Variants in KANK1 observed in about 807,000 individuals in gnomAD.
The protein encoded by KANK1 is KN motif and ankyrin repeat domains 1, also known as KN motif and ankyrin repeat domain-containing protein 1.
KANK1 carries 109 observed loss-of-function variants against 106.2 expected under a neutral mutation model. That is an observed-to-expected ratio of 1.03 (90% CI 0.88 to 1.20). The LOEUF (loss-of-function observed/expected upper bound fraction) is 1.20, where lower values mean the gene tolerates loss of function less well. Ranked by LOEUF, KANK1 falls within the 50% of genes most tolerant of loss-of-function variation. KANK1 has a pLI of 0.00. For missense variants in KANK1, 2,399 were observed against 1,710.7 expected (o/e 1.40, Z -7.10); for synonymous variants, 873 against 652.2 (o/e 1.34, Z -5.16).
chr9:504,005 A>T (rs2132534200), upstream of KANK1, among the ~76,000 whole-genome samples: 2 of 152,232 alleles, frequency 1.3e-5, no homozygotes, highest in South Asian at 4.1e-4. Flanking sequence ...GGAGGTCACA[A>T]GGGAGGTGCC....
intron 1 of KANK1, among the ~76,000 whole-genome samples, chr9:636,337 A>AT (rs1176665455): frequency 2.0e-5 from 3 of 152,176 alleles, no homozygotes; most frequent in African/African-American, 7.2e-5. Flanking sequence ...TGCTTCTCAT[A>AT]TTAGCACTGC....
intron 1 of KANK1, among the ~76,000 whole-genome samples, chr9:613,206 G>C (rs1161655704): frequency 1.3e-5 from 2 of 151,744 alleles, no homozygotes; most frequent in African/African-American, 4.8e-5. Context: ...CAGATACATA[G>C]TTCACAGCAT....
chr9:600,245 A>G (rs567604286), intron 1 of KANK1, among the ~76,000 whole-genome samples: 1 of 151,650 alleles, frequency 6.6e-6, no homozygotes, highest in East Asian at 1.9e-4. Flanking sequence ...TGTCTCTGTA[A>G]TTTTGACTAT....
intron 1 of KANK1, among the ~76,000 whole-genome samples, chr9:511,358 C>T (rs1299199233): frequency 6.6e-6 from 1 of 152,148 alleles, no homozygotes; most frequent in South Asian, 2.1e-4. Flanking sequence ...GACTGCTGAG[C>T]CAGCCTGGTG....
intron 3 of KANK1, among the ~76,000 whole-genome samples, chr9:728,168 C>CG (rs1831241796): frequency 6.6e-6 from 1 of 152,090 alleles, no homozygotes; most frequent in Non-Finnish European, 1.5e-5. Flanking sequence ...TATATTTCTT[C>CG]GATGTATTTT....
At chr9:581,893 G>T (rs1330738086) in intron 1 of KANK1, among the ~76,000 whole-genome samples, 1 of 152,132 alleles carries the variant, frequency 6.6e-6, no homozygotes, top group Non-Finnish European at 1.5e-5. Flanking sequence ...CCAGAGTGCA[G>T]GTATGGCCAT....
intron 1 of KANK1, among the ~76,000 whole-genome samples, chr9:603,958 CAAAAAAA>C (rs71314719): frequency 1.1e-5 from 1 of 94,526 alleles, no homozygotes; most frequent in African/African-American, 4.5e-5. Context: ...GACTCTGTCT[CAAAAAAA>C]AAAAAAAAAA....
chr9:618,461 G>A (rs1832381687), intron 1 of KANK1, among the ~76,000 whole-genome samples: 1 of 152,116 alleles, frequency 6.6e-6, no homozygotes, highest in Admixed American at 6.5e-5. Flanking sequence ...GCCCACCTCA[G>A]CCTCCCAAAG....
Position 745,469 on chromosome 9 carries a change from C to G in KANK1, c.*234C>G, listed in dbSNP as rs776372878. The G allele has an allele frequency of 4.4e-5, 20 of 450,648 alleles. No individual in the cohort carries two copies. Among genetic ancestry groups the G allele is most frequent in the African/African-American group, 4.0e-4 (20 of 49,544 alleles). The allele number at this position is 450,648 out of a possible 1,614,324, so 27.9% of individuals were successfully genotyped here. A position where few individuals can be genotyped will look rare whatever the true frequency, so the allele number is the denominator to read the frequency against. ...GCACACTTTAACCCAGTCTCTGTTG[C>G]TGTTGAGTCTCTGCTCCGTTTTGTA... is the stretch of plus-strand genomic sequence containing the variant. On this transcript the variant is annotated 3_prime_UTR_variant, in exon 12 of 12. Transcript: ENST00000382297.
At position 678,906 on chromosome 9, in the gene KANK1, A is replaced by C. The variant is rs541568319; in HGVS notation, c.37+1897A>C. 6.6e-5 allele frequency among the ~76,000 whole-genome samples: 10 copies of C among 152,172 alleles called. No homozygotes were observed. In the East Asian group the frequency reaches 1.7e-3, roughly 26 times the overall value. On this transcript the variant is annotated intron_variant, in intron 2 of 11. Transcript: ENST00000382297. The stretch of plus-strand genomic sequence containing the variant: ...CACATGCTCAGGGGAAGGGGTGTTT[A>C]AGATTGTTGGTGCCTCAAGACCTCA...
intron 1 of KANK1, among the ~76,000 whole-genome samples, chr9:543,090 G>C (rs1267415265): frequency 1.3e-5 from 2 of 151,986 alleles, no homozygotes; most frequent in Non-Finnish European, 2.9e-5. Context: ...ATTTCACGAG[G>C]TCTATGTACA....
intron 1 of KANK1, among the ~76,000 whole-genome samples, chr9:612,587 A>G (rs1309253033): frequency 6.6e-6 from 1 of 152,188 alleles, no homozygotes; most frequent in African/African-American, 2.4e-5. Flanking sequence ...AAAAGTTATC[A>G]TTTGGAATAC....
chr9:728,731 A>G (rs558578388), intron 3 of KANK1, among the ~76,000 whole-genome samples: 4 of 152,328 alleles, frequency 2.6e-5, no homozygotes, highest in Admixed American at 6.5e-5. Context: ...TCTACATAAT[A>G]AGAACCTTGG....
At chr9:646,680 GTTTTT>G (rs1483105340) in intron 1 of KANK1, among the ~76,000 whole-genome samples, 1 of 146,342 alleles carries the variant, frequency 6.8e-6, no homozygotes, top group Admixed American at 6.7e-5. Flanking sequence ...GATCATTTTT[GTTTTT>G]TAAGTATCTT....
intron 3 of KANK1, among the ~76,000 whole-genome samples, chr9:722,313 T>TTC (rs34533149): frequency 0.024 from 3,674 of 150,232 alleles, 146 homozygotes; most frequent in African/African-American, 0.082. Flanking sequence ...TAAGTGTTCA[T>TTC]TCTCTCTCTC....
chr9:541,811 C>T (rs1039946221), intron 1 of KANK1, among the ~76,000 whole-genome samples: 10 of 152,108 alleles, frequency 6.6e-5, no homozygotes, highest in Non-Finnish European at 1.2e-4. Flanking sequence ...ATGAACAGGC[C>T]GGGCGCGGTG....
chr9:572,062 C>A (rs1819320635), intron 1 of KANK1, among the ~76,000 whole-genome samples: 1 of 151,498 alleles, frequency 6.6e-6, no homozygotes, highest in Admixed American at 6.6e-5. Flanking sequence ...TTTTTTAGGG[C>A]ATTTCAGTTT....
At chr9:623,162 G>A (rs192297100) in intron 1 of KANK1, among the ~76,000 whole-genome samples, 1 of 152,106 alleles carries the variant, frequency 6.6e-6, no homozygotes, top group East Asian at 1.9e-4. Context: ...CATATATCTG[G>A]TAAAAGGTCA....
chr9:609,784 G>C (rs1403026346), intron 1 of KANK1, among the ~76,000 whole-genome samples: 1 of 152,058 alleles, frequency 6.6e-6, no homozygotes, highest in Admixed American at 6.6e-5. Flanking sequence ...TAATATCATA[G>C]TTTGGAACTA....
Sources: allele counts gnomAD v4.1 joint callset (sites outside exome capture counted in the v4.1 genomes callset), GRCh38; gene constraint gnomAD v4.1.1; transcripts MANE v1.5; gene names NCBI Gene and HGNC (gene_info 2026-07-23, HGNC 2026-07-21).